KCTD8: variants seen among roughly 807,000 people sequenced by gnomAD.
KCTD8 encodes potassium channel tetramerization domain containing 8.
Under a neutral mutation model 31.5 loss-of-function variants are expected in KCTD8, and 27 were observed. The observed-to-expected ratio is 0.86, with a 90% CI of 0.63 to 1.18. KCTD8 has a LOEUF of 1.18. KCTD8 is among the 50% of genes most tolerant of loss of function. The pLI is 0.00. For synonymous variants in KCTD8, 290 were observed against 280.0 expected (o/e 1.04, Z -0.36); for missense variants, 658 against 647.7 (o/e 1.02, Z -0.17).
At chr4:44,372,037 T>C (rs1560438486) in intron 1 of KCTD8, among the ~76,000 whole-genome samples, 3 of 152,368 alleles carry the variant, frequency 2.0e-5, no homozygotes, top group Admixed American at 6.5e-5. Context: ...ACAATCTTTA[T>C]ATTTCTGAGA....
chr4:44,398,261 C>T (rs1720559742), intron 1 of KCTD8, among the ~76,000 whole-genome samples: 1 of 152,176 alleles, frequency 6.6e-6, no homozygotes, highest in Admixed American at 6.6e-5. Flanking sequence ...CTGCTGCAGT[C>T]CACTAAATCA....
chr4:44,233,791 C>A (rs540532406), intron 1 of KCTD8, among the ~76,000 whole-genome samples: 76 of 152,018 alleles, frequency 5.0e-4, no homozygotes, highest in Non-Finnish European at 1.0e-3. Flanking sequence ...ATTTTAACTG[C>A]TTTTTCCTAA....
At chr4:44,253,824 A>G (rs529525435) in intron 1 of KCTD8, among the ~76,000 whole-genome samples, 96 of 152,034 alleles carry the variant, frequency 6.3e-4, no homozygotes, top group Non-Finnish European at 1.2e-3. Flanking sequence ...AGTAAGTTTT[A>G]GAATTTTTGT....
intron 1 of KCTD8, among the ~76,000 whole-genome samples, chr4:44,314,879 A>G (rs559579966): frequency 1.5e-5 from 2 of 134,888 alleles, no homozygotes; most frequent in African/African-American, 6.7e-5. Flanking sequence ...AGACATTGTG[A>G]AAAAAAAAAC....
intron 1 of KCTD8, among the ~76,000 whole-genome samples, chr4:44,357,807 T>C (rs1184053228): frequency 6.6e-6 from 1 of 151,952 alleles, no homozygotes. Flanking sequence ...TCCTCTGGTA[T>C]CATTAAAATA....
chr4:44,259,847 G>GT (rs1716109987), intron 1 of KCTD8, among the ~76,000 whole-genome samples: 1 of 151,746 alleles, frequency 6.6e-6, no homozygotes. Context: ...GGTATATTGG[G>GT]TTTTTCATGA....
chr4:44,188,480 G>A (rs887820407), intron 1 of KCTD8, among the ~76,000 whole-genome samples: 20 of 152,240 alleles, frequency 1.3e-4, no homozygotes, highest in Admixed American at 2.6e-4. Context: ...CGGCACCTCC[G>A]TCCTAGGGTT....
At chr4:44,224,089 G>T (rs1019074202) in intron 1 of KCTD8, among the ~76,000 whole-genome samples, 3 of 152,076 alleles carry the variant, frequency 2.0e-5, no homozygotes, top group Non-Finnish European at 4.4e-5. Context: ...AAGCTGCTAT[G>T]ATCCCTTCTT....
chr4:44,332,812 C>A (rs17599605), intron 1 of KCTD8, among the ~76,000 whole-genome samples: 1 of 151,850 alleles, frequency 6.6e-6, no homozygotes, highest in Non-Finnish European at 1.5e-5. Context: ...GTTCCAAATG[C>A]ATATCACTGT....
chr4:44,272,740 C>T (rs963837696), intron 1 of KCTD8, among the ~76,000 whole-genome samples: 8 of 151,970 alleles, frequency 5.3e-5, no homozygotes, highest in Non-Finnish European at 1.0e-4. Context: ...ATGTCAGACC[C>T]TAGGGAGACA....
intron 1 of KCTD8, among the ~76,000 whole-genome samples, chr4:44,429,578 C>T (rs1050715294): frequency 3.3e-5 from 5 of 151,754 alleles, no homozygotes; most frequent in African/African-American, 1.2e-4. Flanking sequence ...TAAAAATATA[C>T]ACCATTCAAT....
chr4:44,437,750 G>A (rs780154325), intron 1 of KCTD8, among the ~76,000 whole-genome samples: 5 of 152,014 alleles, frequency 3.3e-5, no homozygotes, highest in African/African-American at 4.8e-5. Flanking sequence ...TGAAAAAGAC[G>A]ATCAATTTCT....
intron 1 of KCTD8, among the ~76,000 whole-genome samples, chr4:44,286,532 C>G (rs1717077167): frequency 6.6e-6 from 1 of 152,054 alleles, no homozygotes; most frequent in African/African-American, 2.4e-5. Flanking sequence ...CTCACTTATA[C>G]AAATGCAATA....
At chr4:44,225,432 C>T (rs1333611610) in intron 1 of KCTD8, among the ~76,000 whole-genome samples, 2 of 152,202 alleles carry the variant, frequency 1.3e-5, no homozygotes, top group African/African-American at 4.8e-5. Context: ...TTGTTTATGA[C>T]TACTTTCATA....
At position 44,255,218 on chromosome 4, in the gene KCTD8, T is replaced by A. The variant is rs148397149; in HGVS notation, c.962-79968A>T. On this transcript the variant is annotated intron_variant, in intron 1 of 1. Coordinates refer to ENST00000360029, the MANE Select transcript of KCTD8 (RefSeq NM_198353.3). ...GAACTTGTAGCTCCAATATCTCAAC[T>A]TAAGCAGAATCTATGCCTTTCTTTC... is the stretch of plus-strand genomic sequence containing the variant. Among the ~76,000 whole-genome samples, 387 of 151,960 alleles carry A rather than the reference T, an allele frequency of 2.5e-3. 3 individuals are homozygous for A. The highest frequency in any genetic ancestry group is 8.8e-3 in the African/African-American group (365 of 41,502).
At chr4:44,385,189 T>C (rs1207802183) in intron 1 of KCTD8, among the ~76,000 whole-genome samples, 3 of 151,656 alleles carry the variant, frequency 2.0e-5, no homozygotes, top group African/African-American at 7.2e-5. Flanking sequence ...AAAACCCCAA[T>C]GACATTTTAT....
rs181673661 is a variant in KCTD8 at position 44,200,732 on chromosome 4, C to T, written c.962-25482G>A. Among the ~76,000 whole-genome samples the T allele has an allele frequency of 9.5e-4, 145 of 152,034 alleles. 1 individual carries two copies. Among genetic ancestry groups the T allele is most frequent in the Middle Eastern group, 3.4e-3 (1 of 294 alleles). On this transcript the variant is annotated intron_variant, in intron 1 of 1. Coordinates refer to ENST00000360029, the MANE Select transcript of KCTD8 (RefSeq NM_198353.3). ...ACAGGCAAAAGCTTAAATCATTGCCCTTGAGACCTAGAATAAGACAAGGAT... is the reference window on the plus strand; with the variant it reads ...ACAGGCAAAAGCTTAAATCATTGCCTTTGAGACCTAGAATAAGACAAGGAT...
chr4:44,334,654 TAAAAAAAATCCTTGAA>T (rs1426530830), intron 1 of KCTD8, among the ~76,000 whole-genome samples: 3 of 151,664 alleles, frequency 2.0e-5, no homozygotes, highest in Non-Finnish European at 4.4e-5. Flanking sequence ...TATAACAATG[TAAAAAAAATCCTTGAA>T]CATAACAACA....
At chr4:44,397,881 T>G (rs28529108) in intron 1 of KCTD8, among the ~76,000 whole-genome samples, 3 of 152,230 alleles carry the variant, frequency 2.0e-5, no homozygotes, top group Admixed American at 2.0e-4. Flanking sequence ...ACCTAAAAAA[T>G]TGATTTTTTT....
Sources: gnomAD v4.1 joint callset for allele counts (sites outside exome capture counted in the v4.1 genomes callset) on GRCh38, gnomAD v4.1.1 for gene constraint, MANE v1.5 for transcripts, NCBI Gene and HGNC (gene_info 2026-07-23, HGNC 2026-07-21) for gene names.